Variants in DPP6 observed in about 807,000 individuals in gnomAD.
DPP6 encodes dipeptidyl peptidase like 6.
DPP6 carries 69 observed loss-of-function variants against 122.6 expected under a neutral mutation model. The observed-to-expected ratio is 0.56, with a 90% CI of 0.46 to 0.69. The LOEUF (loss-of-function observed/expected upper bound fraction) is 0.69, where lower values mean the gene tolerates loss of function less well. DPP6 is among the 30% of genes least tolerant of loss of function. The pLI, the probability that DPP6 is intolerant of heterozygous loss-of-function variation, is 0.00. For synonymous variants in DPP6, 418 were observed against 433.1 expected (o/e 0.97, Z 0.43); for missense variants, 928 against 1,116.9 (o/e 0.83, Z 2.41).
intron 1 of DPP6, among the ~76,000 whole-genome samples, chr7:154,217,238 G>T (rs987447620): frequency 6.6e-6 from 1 of 152,108 alleles, no homozygotes; most frequent in Non-Finnish European, 1.5e-5. Flanking sequence ...GTTTTCATGG[G>T]AGCATTGGTG....
intron 1 of DPP6, among the ~76,000 whole-genome samples, chr7:154,199,404 A>G (rs1380787854): frequency 6.6e-6 from 1 of 152,176 alleles, no homozygotes; most frequent in Non-Finnish European, 1.5e-5. Flanking sequence ...ATTCCCTAGT[A>G]ACTAGGTAGG....
At chr7:154,139,122 A>G (rs1220897944) in intron 1 of DPP6, among the ~76,000 whole-genome samples, 2 of 151,686 alleles carry the variant, frequency 1.3e-5, no homozygotes, top group African/African-American at 2.4e-5. Context: ...AGACAGATAC[A>G]GATATATAAG....
At chr7:154,022,821 A>G (rs1585190165) in intron 1 of DPP6, among the ~76,000 whole-genome samples, 1 of 152,238 alleles carries the variant, frequency 6.6e-6, no homozygotes, top group Non-Finnish European at 1.5e-5. Context: ...ATCTTAGTGC[A>G]GATTGTGGTC....
chr7:154,464,351 T>C (rs1205284809), intron 2 of DPP6, among the ~76,000 whole-genome samples: 1 of 152,254 alleles, frequency 6.6e-6, no homozygotes, highest in Non-Finnish European at 1.5e-5. Context: ...AACTCAAGAC[T>C]GTCTTTCCCA....
chr7:154,691,826 CA>C (rs201553799), intron 7 of DPP6, among the ~76,000 whole-genome samples: 1,872 of 142,422 alleles, frequency 0.013, 86 homozygotes, highest in Admixed American at 0.089. Flanking sequence ...CTCAAAAAAA[CA>C]AATAAATAAA....
chr7:154,695,762 G>T (rs1335665064), intron 7 of DPP6, among the ~76,000 whole-genome samples: 1 of 152,176 alleles, frequency 6.6e-6, no homozygotes. Context: ...GAGAATGCTG[G>T]CCTGGTTCTA....
intron 5 of DPP6, among the ~76,000 whole-genome samples, chr7:154,577,490 T>A (rs1831761333): frequency 6.6e-6 from 1 of 151,920 alleles, no homozygotes; most frequent in African/African-American, 2.4e-5. Context: ...CCGTGTGGGG[T>A]GTCTGTGAAG....
chr7:153,906,481 C>T (rs1377284963), intron 1 of DPP6, among the ~76,000 whole-genome samples: 3 of 152,206 alleles, frequency 2.0e-5, no homozygotes, highest in Non-Finnish European at 4.4e-5. Flanking sequence ...GTTAGGGTCT[C>T]ACTCTGTCTC....
chr7:154,310,846 G>A (rs1331644319), intron 1 of DPP6, among the ~76,000 whole-genome samples: 1 of 152,118 alleles, frequency 6.6e-6, no homozygotes, highest in Non-Finnish European at 1.5e-5. Context: ...CTGCCTCATC[G>A]GGAATTGTAG....
intron 1 of DPP6, among the ~76,000 whole-genome samples, chr7:153,915,935 C>T (rs1256960774): frequency 1.4e-5 from 2 of 144,228 alleles, no homozygotes; most frequent in African/African-American, 5.2e-5. Flanking sequence ...ATAAATAGCT[C>T]CTCTGATTTT....
chr7:154,636,662 T>C (rs1415351192), intron 5 of DPP6, among the ~76,000 whole-genome samples: 1 of 152,232 alleles, frequency 6.6e-6, no homozygotes, highest in Non-Finnish European at 1.5e-5. Flanking sequence ...TATTTTTATA[T>C]CTGGGTCCTG....
intron 1 of DPP6, among the ~76,000 whole-genome samples, chr7:153,899,322 G>C (rs1799544919): frequency 6.6e-6 from 1 of 152,094 alleles, no homozygotes; most frequent in Non-Finnish European, 1.5e-5. Flanking sequence ...GCTGAGCCCA[G>C]CTCCCAGGAC....
rs543483072 is a variant in DPP6 at position 154,675,099 on chromosome 7, G to A, written c.762+5658G>A. 1.1e-4 allele frequency among the ~76,000 whole-genome samples: 17 copies of A among 152,190 alleles called. No individual in the cohort carries two copies. In the Middle Eastern group the frequency reaches 0.01, roughly 91 times the overall value. ...TTTATCGGAGAACGTCAATAAATCC[G>A]CATTTAAATTGTGCTGTGTTTTACT... On this transcript the variant is annotated intron_variant, in intron 7 of 25. Coordinates refer to ENST00000377770, the MANE Select transcript of DPP6 (RefSeq NM_130797.4).
the DPP6 span, among the ~76,000 whole-genome samples, chr7:153,844,658 G>A: frequency 6.6e-6 from 1 of 152,158 alleles, no homozygotes. Flanking sequence ...AAAACAAATG[G>A]TGGGCCAGAT....
chr7:154,343,866 C>T (rs542399914), intron 1 of DPP6, among the ~76,000 whole-genome samples: 4 of 152,344 alleles, frequency 2.6e-5, no homozygotes, highest in South Asian at 4.1e-4. Context: ...CAGGCGTGTG[C>T]CACCATGCCT....
the DPP6 span, among the ~76,000 whole-genome samples, chr7:153,812,033 G>A: frequency 1.3e-5 from 2 of 148,382 alleles, no homozygotes; most frequent in East Asian, 2.0e-4. Flanking sequence ...TGCACAGCCC[G>A]GATCCACACA....
intron 1 of DPP6, among the ~76,000 whole-genome samples, chr7:153,896,567 G>A (rs528085642): frequency 6.6e-6 from 1 of 152,204 alleles, no homozygotes; most frequent in African/African-American, 2.4e-5. Context: ...CACTTTGGGA[G>A]GCTGAGGTGG....
chr7:154,296,310 C>A (rs987531634), intron 1 of DPP6, among the ~76,000 whole-genome samples: 2 of 152,116 alleles, frequency 1.3e-5, no homozygotes, highest in Non-Finnish European at 2.9e-5. Flanking sequence ...AGGATGGACA[C>A]CCAGGTTGCC....
At chr7:154,300,935 G>T (rs144800270) in intron 1 of DPP6, among the ~76,000 whole-genome samples, 1 of 152,202 alleles carries the variant, frequency 6.6e-6, no homozygotes, top group Non-Finnish European at 1.5e-5. Context: ...AGGTCCTATG[G>T]GTGGGCCCTA....
Sources: gnomAD v4.1 joint callset for allele counts (sites outside exome capture counted in the v4.1 genomes callset) on GRCh38, gnomAD v4.1.1 for gene constraint, MANE v1.5 for transcripts, NCBI Gene and HGNC (gene_info 2026-07-23, HGNC 2026-07-21) for gene names.